RIMS1: variants seen among roughly 807,000 people sequenced by gnomAD.
RIMS1 encodes the protein regulating synaptic membrane exocytosis protein 1.
A neutral mutation model predicts 214.1 loss-of-function variants in RIMS1; 83 were observed. The ratio of observed to expected loss-of-function variants is 0.39; its 90% confidence interval spans 0.32 to 0.47. The LOEUF is 0.47. Among genes scored for constraint, RIMS1 ranks in the 20% least tolerant of loss-of-function variants. RIMS1 has a pLI of 0.99. For synonymous variants in RIMS1, 793 were observed against 786.8 expected (o/e 1.01, Z -0.13); for missense variants, 2,050 against 2,161.8 (o/e 0.95, Z 1.03).
intron 2 of RIMS1, among the ~76,000 whole-genome samples, chr6:71,976,071 A>G (rs1435654716): frequency 6.6e-6 from 1 of 152,104 alleles, no homozygotes; most frequent in Non-Finnish European, 1.5e-5. Context: ...TTGAGTATAT[A>G]CCTAGGAATA....
At chr6:72,181,392 T>C (rs2048379514) in intron 5 of RIMS1, among the ~76,000 whole-genome samples, 1 of 152,202 alleles carries the variant, frequency 6.6e-6, no homozygotes, top group African/African-American at 2.4e-5. Context: ...GACAAATTGT[T>C]GTGGGAGAAG....
At chr6:72,110,649 C>A (rs2035874118) in intron 4 of RIMS1, among the ~76,000 whole-genome samples, 1 of 150,510 alleles carries the variant, frequency 6.6e-6, no homozygotes, top group African/African-American at 2.5e-5. Context: ...CATCTGCAAA[C>A]AGGGACAATT....
At chr6:72,127,758 G>A (rs564770829) in intron 4 of RIMS1, among the ~76,000 whole-genome samples, 1 of 152,180 alleles carries the variant, frequency 6.6e-6, no homozygotes. Flanking sequence ...CTCCATGAAG[G>A]TAGTAGAGAA....
At chr6:72,031,170 T>A (rs192305071) in intron 2 of RIMS1, among the ~76,000 whole-genome samples, 1 of 152,146 alleles carries the variant, frequency 6.6e-6, no homozygotes, top group East Asian at 1.9e-4. Context: ...CAGATGGTCA[T>A]AAATAGCAAT....
rs570948739 is a variant in RIMS1 at position 71,934,622 on chromosome 6, T to G, written c.165-34361T>G. ...TGGGCATTGCTAGCATTACTGAGATTTATAGATTAGTCATTGTGGGAAGGA... is the reference window on the plus strand; with the variant it reads ...TGGGCATTGCTAGCATTACTGAGATGTATAGATTAGTCATTGTGGGAAGGA... On this transcript the variant is annotated intron_variant, in intron 1 of 33. Transcript: ENST00000521978. 1.2e-4 allele frequency among the ~76,000 whole-genome samples: 18 copies of G among 152,294 alleles called. No homozygotes were observed. In the South Asian group the frequency reaches 3.7e-3, roughly 32 times the overall value.
At chr6:72,226,755 GC>G (rs1230765866) in intron 6 of RIMS1, among the ~76,000 whole-genome samples, 2 of 77,604 alleles carry the variant, frequency 2.6e-5, no homozygotes, top group East Asian at 0.011. Flanking sequence ...ATTTTTCTAA[GC>G]CCATTTCAAA....
chr6:72,113,484 GA>G (rs1307326428), intron 4 of RIMS1, among the ~76,000 whole-genome samples: 2 of 151,986 alleles, frequency 1.3e-5, no homozygotes, highest in Non-Finnish European at 2.9e-5. Context: ...TGAACTTTTG[GA>G]AAAATAATGA....
In RIMS1 at chr6:71,983,435, GA is replaced by G. The variant is rs530768405; in HGVS notation, c.245+14379del. ...AGGCCCAGTCAGTATTGTATAATCA[GA>G]AAAAAAGGGTTTTTTTTATTATTGA... On this transcript the variant is annotated intron_variant, in intron 2 of 33. Transcript: ENST00000521978. Among the ~76,000 whole-genome samples the G allele has an allele frequency of 2.6e-3, 396 of 150,262 alleles. 1 individual carries two copies. Among genetic ancestry groups the G allele is most frequent in the Non-Finnish European group, 4.8e-3 (325 of 67,274 alleles).
rs138876752 is a variant in RIMS1, at chr6:72,215,343, C to T, written c.1679-18430C>T. On this transcript the variant is annotated intron_variant, in intron 6 of 33. Transcript: ENST00000521978. ...CCCCCGCTGCACCTCCAACAAGTCA[C>T]GAGTACTTTCACAAAAACTGACATA... 6.2e-3 allele frequency among the ~76,000 whole-genome samples: 951 copies of T among 152,238 alleles called. 6 individuals carry two copies. Among genetic ancestry groups the T allele is most frequent in the Middle Eastern group, 0.017 (5 of 294 alleles).
chr6:72,149,534 T>C (rs1360071646), intron 4 of RIMS1, among the ~76,000 whole-genome samples: 2 of 150,224 alleles, frequency 1.3e-5, no homozygotes, highest in Non-Finnish European at 3.0e-5. Flanking sequence ...GTGATGGGGG[T>C]GGGGGTGGTG....
intron 22 of RIMS1, among the ~76,000 whole-genome samples, chr6:72,272,141 C>T (rs1177621050): frequency 3.9e-5 from 6 of 152,246 alleles, no homozygotes; most frequent in Admixed American, 1.3e-4. Context: ...AAATCTCCAA[C>T]GTAGCCTGCC....
intron 4 of RIMS1, among the ~76,000 whole-genome samples, chr6:72,176,952 A>G (rs2047794032): frequency 6.6e-6 from 1 of 152,196 alleles, no homozygotes; most frequent in Non-Finnish European, 1.5e-5. Context: ...AAAATTTGGA[A>G]CATGCCCAAA....
chr6:72,239,282 G>C (rs1442780632), intron 9 of RIMS1, among the ~76,000 whole-genome samples: 1 of 152,124 alleles, frequency 6.6e-6, no homozygotes, highest in Non-Finnish European at 1.5e-5. Flanking sequence ...TAAAAGAAGA[G>C]GGGTGTTCTA....
intron 6 of RIMS1, among the ~76,000 whole-genome samples, chr6:72,210,233 G>A (rs2053590082): frequency 6.6e-6 from 1 of 152,160 alleles, no homozygotes; most frequent in African/African-American, 2.4e-5. Context: ...TATTGATAAT[G>A]CAAGCATTTT....
At chr6:72,079,616 G>T (rs976934526) in intron 2 of RIMS1, among the ~76,000 whole-genome samples, 1 of 152,160 alleles carries the variant, frequency 6.6e-6, no homozygotes, top group Non-Finnish European at 1.5e-5. Flanking sequence ...GGGTGAGGTG[G>T]CTCATGCCTG....
At chr6:71,932,429 T>C (rs868325155) in intron 1 of RIMS1, among the ~76,000 whole-genome samples, 5 of 151,892 alleles carry the variant, frequency 3.3e-5, no homozygotes, top group Non-Finnish European at 7.4e-5. Flanking sequence ...AATGATGAGA[T>C]TACATGAACA....
chr6:71,922,665 G>T (rs548954361), intron 1 of RIMS1, among the ~76,000 whole-genome samples: 88 of 152,228 alleles, frequency 5.8e-4, no homozygotes, highest in African/African-American at 1.9e-3. Flanking sequence ...ATGAAGTAAG[G>T]TATAAAAAAG....
intron 2 of RIMS1, among the ~76,000 whole-genome samples, chr6:72,024,610 A>T (rs1439373642): frequency 6.6e-6 from 1 of 152,170 alleles, no homozygotes; most frequent in Non-Finnish European, 1.5e-5. Context: ...AGGGGTCTGC[A>T]GATGATCACT....
chr6:72,017,593 G>A (rs1584999320), intron 2 of RIMS1, among the ~76,000 whole-genome samples: 1 of 152,172 alleles, frequency 6.6e-6, no homozygotes, highest in East Asian at 1.9e-4. Flanking sequence ...ATATTTCAGA[G>A]CATTTATTAT....
Sources: allele counts gnomAD v4.1 joint callset (sites outside exome capture counted in the v4.1 genomes callset), GRCh38; gene constraint gnomAD v4.1.1; transcripts MANE v1.5; gene names NCBI Gene and HGNC (gene_info 2026-07-23, HGNC 2026-07-21).